PARD3: variants seen among roughly 807,000 people sequenced by gnomAD.
The protein encoded by PARD3 is partitioning defective 3 homolog.
PARD3 carries 75 observed loss-of-function variants against 155.4 expected under a neutral mutation model. The observed-to-expected ratio is 0.48, with a 90% CI of 0.40 to 0.58. PARD3 has a LOEUF of 0.58. Ranked by LOEUF, PARD3 falls within the 20% of genes least tolerant of loss-of-function variation. PARD3 has a pLI of 0.00. For missense variants in PARD3, 1,642 were observed against 1,721.7 expected (o/e 0.95, Z 0.82); for synonymous variants, 576 against 610.5 (o/e 0.94, Z 0.83).
chr10:34,681,732 A>T (rs553143722), intron 2 of PARD3, among the ~76,000 whole-genome samples: 351 of 9,348 alleles, frequency 0.038, 4 homozygotes, highest in South Asian at 0.12. Flanking sequence ...TATGTATTTT[A>T]TATATATATA....
intron 2 of PARD3, among the ~76,000 whole-genome samples, chr10:34,684,820 C>CAT (rs576346690): frequency 0.096 from 12,040 of 125,564 alleles, 808 homozygotes; most frequent in East Asian, 0.3. Flanking sequence ...CACACACACA[C>CAT]ACACACACAC....
intron 1 of PARD3, among the ~76,000 whole-genome samples, chr10:34,763,713 C>T (rs1837749783): frequency 6.6e-6 from 1 of 152,132 alleles, no homozygotes; most frequent in Non-Finnish European, 1.5e-5. Flanking sequence ...AGCCCACGGC[C>T]ACCTGGGTAC....
At chr10:34,575,892 G>A (rs183863337) in intron 2 of PARD3, among the ~76,000 whole-genome samples, 153 of 151,816 alleles carry the variant, frequency 1.0e-3, no homozygotes, top group Non-Finnish European at 1.5e-3. Context: ...GTGAAACTCC[G>A]TCTCAAAAAA....
chr10:34,772,819 A>G (rs1051071628), intron 1 of PARD3, among the ~76,000 whole-genome samples: 6 of 147,782 alleles, frequency 4.1e-5, no homozygotes, highest in African/African-American at 1.0e-4. Flanking sequence ...AAAAAAAACT[A>G]TTTCTACATG....
At position 34,347,961 on chromosome 10, in the gene PARD3, T is replaced by C; in HGVS notation, c.2218+4A>G. 6.2e-7 allele frequency: 1 copy of C among 1,607,202 alleles called. No homozygotes were observed. Among genetic ancestry groups the C allele is most frequent in the South Asian group, 1.1e-5 (1 of 89,184 alleles). On this transcript the variant is annotated splice_donor_region_variant and intron_variant, in intron 15 of 24. Coordinates refer to ENST00000374788, the MANE Select transcript of PARD3 (RefSeq NM_001184785.2). ...TGTGATAAACAGAGTTTTACCTGACTCACCCATTATCCTACTGAGGGCAGC... is the reference window on the plus strand; with the variant it reads ...TGTGATAAACAGAGTTTTACCTGACCCACCCATTATCCTACTGAGGGCAGC...
At chr10:34,586,950 C>T (rs900225407) in intron 2 of PARD3, among the ~76,000 whole-genome samples, 2 of 151,860 alleles carry the variant, frequency 1.3e-5, no homozygotes, top group South Asian at 2.1e-4. Flanking sequence ...ACTCCATCTC[C>T]GAAAAAAAGA....
chr10:34,679,020 C>G (rs1303775440), intron 2 of PARD3, among the ~76,000 whole-genome samples: 3 of 152,042 alleles, frequency 2.0e-5, no homozygotes, highest in Non-Finnish European at 2.9e-5. Flanking sequence ...ATTAGGAAGA[C>G]AAAATCCTCA....
chr10:34,174,661 T>C (rs896673788), intron 22 of PARD3, among the ~76,000 whole-genome samples: 1 of 152,320 alleles, frequency 6.6e-6, no homozygotes, highest in East Asian at 1.9e-4. Context: ...ATCCAGAAGA[T>C]GATAATTTTT....
intron 1 of PARD3, among the ~76,000 whole-genome samples, chr10:34,748,528 C>T (rs1325251393): frequency 6.6e-6 from 1 of 151,998 alleles, no homozygotes; most frequent in African/African-American, 2.4e-5. Context: ...TCAGTCACCT[C>T]CACATCCTCC....
chr10:34,736,054 AAG>A (rs1335874001), intron 1 of PARD3, among the ~76,000 whole-genome samples: 2 of 151,836 alleles, frequency 1.3e-5, no homozygotes, highest in African/African-American at 4.8e-5. Context: ...CTTTTGAGAC[AAG>A]AGTCTCGCTC....
intron 2 of PARD3, among the ~76,000 whole-genome samples, chr10:34,604,951 T>C (rs1292401507): frequency 6.6e-6 from 1 of 151,862 alleles, no homozygotes. Context: ...ATTTCTTTTT[T>C]CCTTCTTTGT....
chr10:34,539,313 A>C (rs1564823149), intron 2 of PARD3, among the ~76,000 whole-genome samples: 1 of 152,196 alleles, frequency 6.6e-6, no homozygotes, highest in Non-Finnish European at 1.5e-5. Flanking sequence ...TACCACCTTC[A>C]TCATTTAAAA....
chr10:34,336,061 T>C, intron 18 of PARD3, 138 bp downstream of exon 18: 1 of 604,584 alleles, frequency 1.7e-6, no homozygotes, highest in South Asian at 2.4e-5. Context: ...TCTTATGTAA[T>C]TCAATTTCTC....
At chr10:34,663,235 G>A (rs551461313) in intron 2 of PARD3, among the ~76,000 whole-genome samples, 93 of 152,250 alleles carry the variant, frequency 6.1e-4, no homozygotes, top group African/African-American at 1.8e-3. Flanking sequence ...GGGCCAGGGC[G>A]GGTAGATTGC....
chr10:34,759,157 A>G (rs1295333523), intron 1 of PARD3, among the ~76,000 whole-genome samples: 1 of 152,220 alleles, frequency 6.6e-6, no homozygotes, highest in African/African-American at 2.4e-5. Context: ...GAATAGATAC[A>G]ACTCAATGAG....
At chr10:34,369,370 G>C (rs7477823) in intron 12 of PARD3, among the ~76,000 whole-genome samples, 35,611 of 151,398 alleles carry the variant, frequency 0.24, 5,228 homozygotes, top group South Asian at 0.47. Flanking sequence ...GCTATCGTTA[G>C]TGTTAGTGTA....
At chr10:34,374,541 C>G (rs955754949) in intron 11 of PARD3, among the ~76,000 whole-genome samples, 1 of 152,072 alleles carries the variant, frequency 6.6e-6, no homozygotes, top group Non-Finnish European at 1.5e-5. Flanking sequence ...AAGCTTTCAG[C>G]GACAGTCTGT....
intron 21 of PARD3, among the ~76,000 whole-genome samples, chr10:34,282,145 G>C (rs572782506): frequency 2.4e-4 from 32 of 134,422 alleles, no homozygotes; most frequent in African/African-American, 7.6e-4. Flanking sequence ...TCCGTTTCTT[G>C]CATTCACTTG....
At position 34,116,654 on chromosome 10, in the gene PARD3, G is replaced by A. The variant is rs186991651; in HGVS notation, c.3668+2959C>T. On this transcript the variant is annotated intron_variant, in intron 24 of 24. Transcript: ENST00000374788. ...CTCATTGATAAATTGTTCTCTAAAG[G>A]AAGACAAGAAGATACTGCAGAAACC... Among the ~76,000 whole-genome samples the A allele has an allele frequency of 2.6e-5, 4 of 152,320 alleles. No individual in the cohort carries two copies. In the East Asian group the frequency reaches 7.7e-4, roughly 29 times the overall value.
Sources: allele counts gnomAD v4.1 joint callset (sites outside exome capture counted in the v4.1 genomes callset), GRCh38; gene constraint gnomAD v4.1.1; transcripts MANE v1.5; gene names NCBI Gene and HGNC (gene_info 2026-07-23, HGNC 2026-07-21).